EXT2: variants seen among roughly 807,000 people sequenced by gnomAD.
EXT2 encodes the protein exostosin-2.
Under a neutral mutation model 81.6 loss-of-function variants are expected in EXT2, and 53 were observed. The ratio of observed to expected loss-of-function variants is 0.65; its 90% CI spans 0.52 to 0.82. The LOEUF is 0.82. Among genes scored for constraint, EXT2 ranks in the 40% least tolerant of loss-of-function variants. EXT2 has a pLI of 0.00. For synonymous variants in EXT2, 320 were observed against 340.0 expected, an observed-to-expected ratio of 0.94 and a Z score of 0.65; for missense variants, 774 against 910.2, an observed-to-expected ratio of 0.85 and a Z score of 1.93.
At chr11:44,175,155 AAATGCAGATGAAAATT>A (rs1433835798) in intron 8 of EXT2, among the ~76,000 whole-genome samples, 4 of 152,196 alleles carry the variant, frequency 2.6e-5, no homozygotes, top group Non-Finnish European at 5.9e-5. Flanking sequence ...ACTGTTTGAG[AAATGCAGATGAAAATT>A]AATAGAGGAC....
intron 10 of EXT2, among the ~76,000 whole-genome samples, chr11:44,230,450 A>G (rs1481154890): frequency 6.6e-6 from 1 of 152,252 alleles, no homozygotes; most frequent in Non-Finnish European, 1.5e-5. Flanking sequence ...CCTGATCTTC[A>G]GTACCTCAAA....
chr11:44,244,120 C>G (rs759693924), intron 13 of EXT2, 29 bp from the exon 14 acceptor site: 1 of 1,612,182 alleles, frequency 6.2e-7, no homozygotes, highest in Non-Finnish European at 8.5e-7. Context: ...TCAAACCCCT[C>G]CTCCCCACCT....
chr11:44,168,288 A>G (rs560982740), intron 7 of EXT2, among the ~76,000 whole-genome samples: 215 of 152,272 alleles, frequency 1.4e-3, no homozygotes, highest in Non-Finnish European at 2.5e-3. Context: ...AGTAGAAAAC[A>G]CCCAGATTGA....
At chr11:44,110,310 G>A (rs1954124669) in intron 3 of EXT2, among the ~76,000 whole-genome samples, 1 of 152,174 alleles carries the variant, frequency 6.6e-6, no homozygotes, top group South Asian at 2.1e-4. Flanking sequence ...TTGAGTTTCT[G>A]TCTGGAAATA....
intron 7 of EXT2, among the ~76,000 whole-genome samples, chr11:44,137,106 G>A (rs1954582144): frequency 6.6e-6 from 1 of 151,950 alleles, no homozygotes; most frequent in Non-Finnish European, 1.5e-5. Context: ...CATTTAATTG[G>A]AATTCTTAAA....
intron 7 of EXT2, among the ~76,000 whole-genome samples, chr11:44,142,539 G>A (rs1651317971): frequency 1.3e-5 from 2 of 152,198 alleles, no homozygotes; most frequent in South Asian, 2.1e-4. Flanking sequence ...CTTATGAAGA[G>A]GGACAAGTGG....
chr11:44,096,268 G>A, intron 1 of EXT2: 1 of 1,536,030 alleles, frequency 6.5e-7, no homozygotes, highest in Non-Finnish European at 8.7e-7. Context: ...CTGCGCCTCA[G>A]GGTCCGGTGG....
intron 1 of EXT2, chr11:44,103,578 G>C (rs1954015504): frequency 2.5e-6 from 1 of 399,778 alleles, no homozygotes; most frequent in South Asian, 1.9e-5. Context: ...CTGAACTCTG[G>C]AATAATTTGT....
At chr11:44,103,511 G>T (rs1246030295) in intron 1 of EXT2, among the ~76,000 whole-genome samples, 1 of 152,180 alleles carries the variant, frequency 6.6e-6, no homozygotes, top group Non-Finnish European at 1.5e-5. Flanking sequence ...TAAGATTTTG[G>T]TATGAAGCAT....
At chr11:44,198,138 TGC>T in intron 9 of EXT2, 120 bp downstream of exon 9, 1 of 1,020,412 alleles carries the variant, frequency 9.8e-7, no homozygotes, top group East Asian at 2.6e-5. Flanking sequence ...TGAGACAGCA[TGC>T]CTCCATTTTT....
At chr11:44,129,439 G>A (rs984794971) in intron 6 of EXT2, among the ~76,000 whole-genome samples, 7 of 152,100 alleles carry the variant, frequency 4.6e-5, no homozygotes, top group Non-Finnish European at 7.4e-5. Context: ...TAGCCTCCTT[G>A]CTGTTCCTGG....
At chr11:44,096,145 C>T in intron 1 of EXT2, 1 of 1,084,760 alleles carries the variant, frequency 9.2e-7, no homozygotes, top group Non-Finnish European at 1.4e-6. Context: ...CGCCCCCAGT[C>T]CGCTCCTTCC....
At chr11:44,142,644 T>G (rs1471948179) in intron 7 of EXT2, among the ~76,000 whole-genome samples, 3 of 152,204 alleles carry the variant, frequency 2.0e-5, no homozygotes, top group Admixed American at 6.5e-5. Context: ...CATGTATTAT[T>G]TATATTTTAG....
In EXT2 at chr11:44,249,927, G is replaced by A. The variant is rs373442954; in HGVS notation, c.*5640G>A. 6.6e-6 allele frequency among the ~76,000 whole-genome samples: 1 copy of A among 152,136 alleles called. No individual in the cohort carries two copies. The highest frequency in any genetic ancestry group is 2.4e-5 in the African/African-American group (1 of 41,424). On this transcript the variant is annotated 3_prime_UTR_variant, in exon 14 of 14. Coordinates refer to ENST00000533608, the MANE Select transcript of EXT2 (RefSeq NM_207122.2). ...CTACTAAAAATACAAAGAATTAGCC[G>A]GGCATAGTGGCAGGCACCTGTAGCC...
chr11:44,161,490 G>T (rs1954927577), intron 7 of EXT2, among the ~76,000 whole-genome samples: 2 of 151,426 alleles, frequency 1.3e-5, no homozygotes, highest in South Asian at 4.2e-4. Context: ...GGGCAATGGA[G>T]CAAGACCCTG....
chr11:44,130,365 G>A (rs542090548), intron 7 of EXT2, among the ~76,000 whole-genome samples: 9 of 152,330 alleles, frequency 5.9e-5, no homozygotes, highest in Middle Eastern at 3.4e-3. Context: ...TGCAATTTTA[G>A]GGTCTTACCA....
chr11:44,230,480 T>G (rs1360558663), intron 10 of EXT2, among the ~76,000 whole-genome samples: 1 of 152,150 alleles, frequency 6.6e-6, no homozygotes, highest in African/African-American at 2.4e-5. Flanking sequence ...TATTTGGAAA[T>G]GGGGTATTTT....
intron 10 of EXT2, among the ~76,000 whole-genome samples, chr11:44,218,701 G>A (rs1436923612): frequency 2.0e-5 from 3 of 150,328 alleles, no homozygotes; most frequent in African/African-American, 7.3e-5. Context: ...CTGAGATGCT[G>A]TATAACGTTT....
intron 1 of EXT2, among the ~76,000 whole-genome samples, chr11:44,106,373 T>C (rs930366589): frequency 4.6e-5 from 7 of 152,150 alleles, no homozygotes; most frequent in African/African-American, 1.7e-4. Context: ...ATTTCTTCCA[T>C]TTATCTAAAT....
Sources: allele counts gnomAD v4.1 joint callset (sites outside exome capture counted in the v4.1 genomes callset), GRCh38; gene constraint gnomAD v4.1.1; transcripts MANE v1.5; gene names NCBI Gene and HGNC (gene_info 2026-07-23, HGNC 2026-07-21).